The following AHRR variants were observed in gnomAD, a reference collection of about 807,000 sequenced individuals.
AHRR encodes the protein aryl hydrocarbon receptor repressor, also known as ahR repressor.
Under a neutral mutation model 44.0 loss-of-function variants are expected in AHRR, and 28 were observed. The ratio of observed to expected loss-of-function variants is 0.64; its 90% confidence interval spans 0.47 to 0.87. The LOEUF (loss-of-function observed/expected upper bound fraction) is 0.87. Ranked by LOEUF, AHRR falls within the 40% of genes least tolerant of loss-of-function variation. The probability of loss-of-function intolerance (pLI) is 0.00; values close to 1 mark genes in which losing one functional copy is unlikely to be tolerated. For missense variants in AHRR, 990 were observed against 953.9 expected (o/e 1.04, Z -0.50); for synonymous variants, 434 against 407.0 (o/e 1.07, Z -0.80).
chr5:412,201 GAATT>G (rs1345243514), intron 4 of AHRR, among the ~76,000 whole-genome samples: 1 of 152,156 alleles, frequency 6.6e-6, no homozygotes, highest in African/African-American at 2.4e-5. Context: ...ATACACGAAT[GAATT>G]TAACATCAAG....
intron 1 of AHRR, among the ~76,000 whole-genome samples, chr5:324,005 C>CCCTTTCCTT (rs376443900): frequency 1.6e-4 from 19 of 116,172 alleles, no homozygotes; most frequent in African/African-American, 6.6e-4. Context: ...TTCTTTTTTT[C>CCCTTTCCTT]TCTTTCTTTC....
In AHRR at chr5:433,982, G is replaced by C; in HGVS notation, c.1242G>C (p.Pro414=). ...AGKHSEDGAR[P]RLQPSKNDPP... Reference sequence around the variant, plus strand: ...AGCACAGTGAGGATGGTGCCAGGCCGAGGCTGCAGCCCAGCAAGAATGACC... The same window carrying C: ...AGCACAGTGAGGATGGTGCCAGGCCCAGGCTGCAGCCCAGCAAGAATGACC... Residue 414 remains proline (P), a synonymous_variant, in exon 11 of 11, where the codon CCG becomes CCC. Transcript: ENST00000684583. The C allele has an allele frequency of 6.4e-7, 1 of 1,569,454 alleles. No homozygotes were observed. The highest frequency in any genetic ancestry group is 8.6e-7 in the Non-Finnish European group (1 of 1,157,764).
intron 3 of AHRR, among the ~76,000 whole-genome samples, chr5:356,183 A>G (rs1252685512): frequency 6.6e-6 from 1 of 152,160 alleles, no homozygotes; most frequent in African/African-American, 2.4e-5. Context: ...ACACCAGGGG[A>G]AGTCAGGCAC....
chr5:397,222 G>A (rs868334562), intron 4 of AHRR, among the ~76,000 whole-genome samples: 7 of 78,476 alleles, frequency 8.9e-5, no homozygotes, highest in African/African-American at 2.5e-4. Flanking sequence ...GACCATCCAC[G>A]TAGCCCCTGA....
intron 4 of AHRR, among the ~76,000 whole-genome samples, chr5:381,328 T>C (rs1370984970): frequency 6.6e-6 from 1 of 152,164 alleles, no homozygotes; most frequent in African/African-American, 2.4e-5. Flanking sequence ...TGTCTGAGAA[T>C]AGAGTTGGTT....
intron 7 of AHRR, among the ~76,000 whole-genome samples, chr5:424,453 T>G (rs1482344383): frequency 2.7e-4 from 40 of 146,364 alleles, no homozygotes; most frequent in East Asian, 8.2e-4. Context: ...TGTTAACCCA[T>G]GTGTCTCTGG....
At chr5:430,544 C>T (rs1172759604) in intron 8 of AHRR, among the ~76,000 whole-genome samples, 2 of 152,226 alleles carry the variant, frequency 1.3e-5, no homozygotes, top group Non-Finnish European at 2.9e-5. Context: ...TGTCTGCAGG[C>T]CCCAAGGCCA....
intron 4 of AHRR, among the ~76,000 whole-genome samples, chr5:397,782 C>T (rs1285247206): frequency 9.1e-5 from 10 of 110,482 alleles, no homozygotes; most frequent in South Asian, 3.3e-4. Context: ...TCCACGTAGC[C>T]CCTGACCATC....
chr5:366,664 C>G (rs1560893528), intron 3 of AHRR, among the ~76,000 whole-genome samples: 1 of 152,104 alleles, frequency 6.6e-6, no homozygotes, highest in Admixed American at 6.5e-5. Context: ...CCGAAAAGCC[C>G]AGCATTCACT....
intron 2 of AHRR, 87 bp downstream of exon 2, chr5:344,051 A>G: frequency 7.1e-7 from 1 of 1,413,862 alleles, no homozygotes; most frequent in East Asian, 2.8e-5. Context: ...GAGTTTTAGG[A>G]ACAGGGCGAG....
Position 423,812 on chromosome 5 carries a change from C to T in AHRR, c.572-29C>T, listed in dbSNP as rs71597640. On this transcript the variant is annotated intron_variant, in intron 6 of 10. Transcript: ENST00000684583. ...ACGTGTGTTTTGGCTTCTCCCACCGCCACGCCCCTTGGCCCCTATGGTCTG... is the reference window on the plus strand; with the variant it reads ...ACGTGTGTTTTGGCTTCTCCCACCGTCACGCCCCTTGGCCCCTATGGTCTG... The T allele has an allele frequency of 3.2e-6, 5 of 1,571,324 alleles. No individual in the cohort carries two copies. The African/African-American group carries it at 6.7e-5, about 21-fold the overall frequency.
intron 3 of AHRR, among the ~76,000 whole-genome samples, chr5:374,180 G>A (rs1274070506): frequency 1.3e-5 from 2 of 152,078 alleles, no homozygotes; most frequent in Non-Finnish European, 2.9e-5. Flanking sequence ...GCCCCAGCCC[G>A]CGGACCTCGG....
rs1456543808 is a variant in AHRR, at chr5:343,914, G to A, written c.12G>A (p.Pro4=). 4 of 1,601,466 alleles carry A rather than the reference G, an allele frequency of 2.5e-6. No homozygotes were observed. Among genetic ancestry groups the A allele is most frequent in the South Asian group, 1.1e-5 (1 of 90,382 alleles). ...CCAGGCCGAGGACGATGATCCCGCCGGGGGAGTGCACGTACGCGGGCCGGA... is the reference window on the plus strand; with the variant it reads ...CCAGGCCGAGGACGATGATCCCGCCAGGGGAGTGCACGTACGCGGGCCGGA... The part of the protein sequence containing the change: MIP[P]GECTYAGRKR... The change falls in exon 2 of 11, where the codon CCG becomes CCA. Residue 4 remains proline (P), a synonymous_variant. Transcript: ENST00000684583.
chr5:430,953 A>G (rs1328635175), intron 8 of AHRR, among the ~76,000 whole-genome samples: 1 of 151,920 alleles, frequency 6.6e-6, no homozygotes, highest in African/African-American at 2.4e-5. Context: ...ATAGGTGCAC[A>G]GAAAAGGACC....
chr5:374,576 C>T (rs759309028), intron 3 of AHRR, among the ~76,000 whole-genome samples: 9 of 152,182 alleles, frequency 5.9e-5, no homozygotes, highest in African/African-American at 1.2e-4. Flanking sequence ...GTTTTTGTTA[C>T]ATTTAGTGCA....
chr5:330,527 C>T (rs1741872411), intron 1 of AHRR, among the ~76,000 whole-genome samples: 1 of 152,154 alleles, frequency 6.6e-6, no homozygotes, highest in Non-Finnish European at 1.5e-5. Context: ...GTGCACACCA[C>T]CATGCCCTGA....
chr5:403,963 G>C (rs1735144246), intron 4 of AHRR: 1 of 1,342,904 alleles, frequency 7.4e-7, no homozygotes, highest in Non-Finnish European at 1.1e-6. Context: ...TTTATTTTCT[G>C]ACTCGTCTAC....
rs1379951354 is a variant in AHRR at position 415,398 on chromosome 5, TG to T, written c.441+1966del. On this transcript the variant is annotated intron_variant, in intron 5 of 10. Transcript: ENST00000684583. Reference sequence around the variant, plus strand: ...GGGTGGGAGGCCTAGGGGCCGAGTCTGCCTGGTCGGGTGGGAGGCCTAGGGG... The same window carrying T: ...GGGTGGGAGGCCTAGGGGCCGAGTCTCCTGGTCGGGTGGGAGGCCTAGGGG... 7.2e-4 allele frequency among the ~76,000 whole-genome samples: 99 copies of T among 138,062 alleles called. 3 individuals are homozygous for T. Among genetic ancestry groups the T allele is most frequent in the African/African-American group, 2.4e-3 (87 of 35,610 alleles). 90.6% of individuals were successfully genotyped at this position (138,062 alleles called of 152,430 possible).
intron 3 of AHRR, 93 bp from the exon 4 acceptor site, chr5:376,517 G>T (rs1733667707): frequency 1.5e-6 from 2 of 1,362,074 alleles, no homozygotes; most frequent in South Asian, 1.5e-5. Context: ...GAACCGTGGG[G>T]TGAACGCGGG....
Sources: allele counts gnomAD v4.1 joint callset (sites outside exome capture counted in the v4.1 genomes callset), GRCh38; gene constraint gnomAD v4.1.1; transcripts MANE v1.5; gene names NCBI Gene and HGNC (gene_info 2026-07-23, HGNC 2026-07-21).